Variants in PDE4D observed in about 807,000 individuals in gnomAD.
PDE4D encodes the protein phosphodiesterase 4D.
In PDE4D, 24 loss-of-function variants were observed where a neutral mutation model predicts 87.4. The observed-to-expected ratio is 0.27, with a 90% CI of 0.20 to 0.39. The LOEUF (loss-of-function observed/expected upper bound fraction) is 0.39. Among genes scored for constraint, PDE4D ranks in the 10% least tolerant of loss-of-function variants. PDE4D has a pLI of 1.00. For missense variants in PDE4D, 714 were observed against 1,041.0 expected, an observed-to-expected ratio of 0.69 and a Z score of 4.32; for synonymous variants, 384 against 383.2, an observed-to-expected ratio of 1.00 and a Z score of -0.02.
intron 1 of PDE4D, among the ~76,000 whole-genome samples, chr5:60,278,449 G>A (rs556197237): frequency 6.6e-6 from 1 of 152,106 alleles, no homozygotes; most frequent in Non-Finnish European, 1.5e-5. Flanking sequence ...AATTTGGGAA[G>A]TTTGGGACCA....
At chr5:59,200,043 G>C (rs572080867) in intron 2 of PDE4D, among the ~76,000 whole-genome samples, 145 of 42,970 alleles carry the variant, frequency 3.4e-3, no homozygotes, top group African/African-American at 8.6e-3. Context: ...GCACACACAC[G>C]TATGTACACA....
intron 2 of PDE4D, among the ~76,000 whole-genome samples, chr5:60,042,908 C>T (rs889144671): frequency 6.6e-6 from 1 of 152,186 alleles, no homozygotes; most frequent in Admixed American, 6.5e-5. Flanking sequence ...ATCACAACTC[C>T]TCACCAGCAA....
chr5:60,185,066 A>C (rs911502184), intron 2 of PDE4D, among the ~76,000 whole-genome samples: 1 of 152,170 alleles, frequency 6.6e-6, no homozygotes. Flanking sequence ...GAGGATGTTC[A>C]ATTTAAAATG....
At chr5:60,311,344 T>C (rs6449463) in intron 1 of PDE4D, among the ~76,000 whole-genome samples, 47,983 of 152,096 alleles carry the variant, frequency 0.32, 9,155 homozygotes, top group African/African-American at 0.52. Context: ...TCAAAGGAAA[T>C]TCCATCAGGC....
At chr5:60,129,809 T>C (rs2149395389) in intron 2 of PDE4D, among the ~76,000 whole-genome samples, 1 of 152,314 alleles carries the variant, frequency 6.6e-6, no homozygotes, top group South Asian at 2.1e-4. Flanking sequence ...TTGTGTCATA[T>C]AGATAATCAA....
At chr5:59,500,048 A>G (rs955949537) in intron 1 of PDE4D, among the ~76,000 whole-genome samples, 4 of 152,112 alleles carry the variant, frequency 2.6e-5, no homozygotes, top group East Asian at 1.9e-4. Context: ...CACTCAACCA[A>G]TGAGATACTA....
chr5:59,078,655 C>T (rs1477359699), intron 5 of PDE4D, among the ~76,000 whole-genome samples: 1 of 151,986 alleles, frequency 6.6e-6, no homozygotes, highest in East Asian at 1.9e-4. Flanking sequence ...ACTACAGGCA[C>T]ATGCCACCAT....
At chr5:60,079,205 T>C (rs150597091) in intron 2 of PDE4D, among the ~76,000 whole-genome samples, 3 of 152,230 alleles carry the variant, frequency 2.0e-5, no homozygotes, top group Non-Finnish European at 4.4e-5. Context: ...TGTCTGTTCA[T>C]ATCCTTTGCC....
chr5:59,293,421 C>G (rs1042745318), intron 1 of PDE4D, among the ~76,000 whole-genome samples: 2 of 151,990 alleles, frequency 1.3e-5, no homozygotes, highest in Admixed American at 6.6e-5. Context: ...TAGTTTTGAA[C>G]AGGGTTAGGT....
intron 5 of PDE4D, among the ~76,000 whole-genome samples, chr5:59,122,122 A>G (rs1265624154): frequency 2.4e-5 from 3 of 126,040 alleles, no homozygotes; most frequent in African/African-American, 9.2e-5. Flanking sequence ...AGCCTGGATG[A>G]CAGAGCAAGA....
chr5:59,018,495 G>A (rs1232838578), intron 6 of PDE4D, among the ~76,000 whole-genome samples: 1 of 152,142 alleles, frequency 6.6e-6, no homozygotes, highest in Admixed American at 6.6e-5. Flanking sequence ...ACAAACAAAT[G>A]AGAACAAAAT....
At chr5:59,863,030 A>T (rs1370593760) in intron 1 of PDE4D, among the ~76,000 whole-genome samples, 1 of 152,360 alleles carries the variant, frequency 6.6e-6, no homozygotes. Flanking sequence ...GTAAACTCTT[A>T]TCGTGTTCTT....
At chr5:59,568,426 G>A (rs2153694605) in intron 1 of PDE4D, among the ~76,000 whole-genome samples, 1 of 152,238 alleles carries the variant, frequency 6.6e-6, no homozygotes, top group East Asian at 1.9e-4. Context: ...CTGCCTTCAA[G>A]GAGATGGAGT....
chr5:59,771,474 A>AG (rs1491463938), intron 1 of PDE4D, among the ~76,000 whole-genome samples: 87 of 97,836 alleles, frequency 8.9e-4, no homozygotes, highest in African/African-American at 3.1e-3. Context: ...AGAAAGAAAG[A>AG]AAGAAAGAAA....
intron 1 of PDE4D, among the ~76,000 whole-genome samples, chr5:59,609,263 CACATG>C (rs1828652794): frequency 6.6e-6 from 1 of 151,988 alleles, no homozygotes; most frequent in Non-Finnish European, 1.5e-5. Flanking sequence ...CTCTTTAAGG[CACATG>C]GCAAGATTGC....
intron 1 of PDE4D, among the ~76,000 whole-genome samples, chr5:59,332,495 T>C (rs1013133268): frequency 2.0e-5 from 3 of 152,172 alleles, no homozygotes; most frequent in African/African-American, 7.2e-5. Flanking sequence ...CTTTCCAAGA[T>C]TTACTCTGTA....
chr5:59,107,564 T>C (rs1771826332), intron 5 of PDE4D, among the ~76,000 whole-genome samples: 1 of 152,180 alleles, frequency 6.6e-6, no homozygotes, highest in Non-Finnish European at 1.5e-5. Context: ...ATCACTGAGT[T>C]AGCTCTGAGC....
intron 2 of PDE4D, 97 bp from the exon 3 acceptor site, chr5:59,193,633 C>A: frequency 6.4e-7 from 1 of 1,552,080 alleles, no homozygotes; most frequent in South Asian, 1.2e-5. Context: ...CATGAGTTCC[C>A]ATAGAGAATT....
chr5:59,666,509 T>C (rs1746098874), intron 1 of PDE4D, among the ~76,000 whole-genome samples: 1 of 152,220 alleles, frequency 6.6e-6, no homozygotes, highest in Admixed American at 6.5e-5. Flanking sequence ...ACAAATCTTT[T>C]GGAATTTTTC....
Sources: gnomAD v4.1 joint callset for allele counts (sites outside exome capture counted in the v4.1 genomes callset) on GRCh38, gnomAD v4.1.1 for gene constraint, MANE v1.5 for transcripts, NCBI Gene and HGNC (gene_info 2026-07-23, HGNC 2026-07-21) for gene names.